GAB4: variants seen among roughly 807,000 people sequenced by gnomAD.
GAB4 encodes GRB2-associated-binding protein 4.
Under a neutral mutation model 51.3 loss-of-function variants are expected in GAB4, and 26 were observed. That is an observed-to-expected ratio of 0.51 (90% CI 0.37 to 0.70). GAB4 has a LOEUF of 0.70. Among genes scored for constraint, GAB4 ranks in the 30% least tolerant of loss-of-function variants. The probability of loss-of-function intolerance (pLI) is 0.00; values close to 1 mark genes in which losing one functional copy is unlikely to be tolerated. For missense variants in GAB4, 759 were observed against 734.6 expected (o/e 1.03, Z -0.38); for synonymous variants, 329 against 291.2 (o/e 1.13, Z -1.32).
At position 16,962,545 on chromosome 22, in the gene GAB4, A is replaced by AG. The variant is rs2060637335; in HGVS notation, c.*187dup. The AG allele has an allele frequency of 2.2e-6, 1 of 445,122 alleles. No homozygotes were observed. Among genetic ancestry groups the AG allele is most frequent in the African/African-American group, 2.0e-5 (1 of 50,134 alleles). 27.6% of individuals were successfully genotyped at this position (445,122 alleles called of 1,614,324 possible). ...TGCTTGCTGGCAACTGCTCCTAGCA[A>AG]GGGGGTGAAGGTGGGGACCATGGCC... is the stretch of plus-strand genomic sequence containing the variant. On this transcript the variant is annotated 3_prime_UTR_variant, in exon 10 of 10. Transcript: ENST00000400588.
intron 1 of GAB4, 140 bp downstream of exon 1, chr22:17,007,801 G>GACA: frequency 1.5e-5 from 11 of 740,548 alleles, no homozygotes; most frequent in South Asian, 1.4e-4. Flanking sequence ...CTGGCGGGGA[G>GACA]TCGCCTTCGC....
chr22:16,999,740 T>C (rs112597966), intron 1 of GAB4, among the ~76,000 whole-genome samples: 3,868 of 152,296 alleles, frequency 0.025, 64 homozygotes, highest in Middle Eastern at 0.068. Context: ...ATTAGGGTGT[T>C]GATTTTAGAT....
At position 16,992,123 on chromosome 22, in the gene GAB4, T is replaced by C. The variant is rs2060919131; in HGVS notation, c.228A>G (p.Pro76=). The change falls in exon 2 of 10, where the codon CCA becomes CCG. Residue 76 remains proline (P), a synonymous_variant. Transcript: ENST00000400588. ...CATTCTTGTAGTATTCCAGAACATC[T>C]GGGTCACTGCTAGTCTGGCCCCTCC... ...ILRRGQTSSD[P]DVLEYYKNDG... 1 of 1,614,204 alleles carries C rather than the reference T, an allele frequency of 6.2e-7. No individual in the cohort carries two copies.
chr22:16,982,804 C>T (rs1569101409), intron 3 of GAB4, among the ~76,000 whole-genome samples: 2 of 152,296 alleles, frequency 1.3e-5, no homozygotes, highest in Non-Finnish European at 2.9e-5. Context: ...GCATGTCTGA[C>T]ATAATGTAAA....
intron 1 of GAB4, among the ~76,000 whole-genome samples, chr22:17,007,390 A>C (rs1226487229): frequency 1.3e-5 from 2 of 152,166 alleles, no homozygotes; most frequent in Non-Finnish European, 2.9e-5. Context: ...AAGGACGCGA[A>C]CGACCCCGGG....
At chr22:16,965,305 T>C (rs559625817) in intron 6 of GAB4, 37 bp from the exon 7 acceptor site, 1 of 1,518,984 alleles carries the variant, frequency 6.6e-7, no homozygotes, top group African/African-American at 1.4e-5. Flanking sequence ...CAGCCAGTGA[T>C]GACACCACAC....
intron 4 of GAB4, chr22:16,969,724 C>T (rs549686289): frequency 5.8e-5 from 39 of 669,714 alleles, no homozygotes; most frequent in East Asian, 3.0e-4. Context: ...TGAGGGCTGC[C>T]CCACTGACAT....
intron 4 of GAB4, among the ~76,000 whole-genome samples, chr22:16,968,782 T>C (rs565888325): frequency 6.2e-4 from 95 of 152,354 alleles, no homozygotes; most frequent in Non-Finnish European, 1.2e-3. Context: ...ATGTTTTATA[T>C]ATACCTCTAT....
chr22:17,001,568 T>G (rs1480219794), intron 1 of GAB4, among the ~76,000 whole-genome samples: 1 of 152,224 alleles, frequency 6.6e-6, no homozygotes, highest in Non-Finnish European at 1.5e-5. Context: ...TTAGCTTCTT[T>G]GCGATGGGTT....
At position 16,987,959 on chromosome 22, in the gene GAB4, C is replaced by G. The variant is rs200250480; in HGVS notation, c.686+1G>C. 1 of 1,594,544 alleles carries G rather than the reference C, an allele frequency of 6.3e-7. No individual in the cohort carries two copies. The highest frequency in any genetic ancestry group is 8.5e-7 in the Non-Finnish European group (1 of 1,171,568). On this transcript the variant is annotated splice_donor_variant, in intron 3 of 9. Coordinates refer to ENST00000400588, the MANE Select transcript of GAB4 (RefSeq NM_001037814.1). LOFTEE classifies it high-confidence loss of function. ...CCCCACTGGCCATAGTAGCCCCCTA[C>G]CTTGCATGTTCTGCTCTCTGGCTGG... is the stretch of plus-strand genomic sequence containing the variant.
At chr22:17,005,358 A>C (rs2061031918) in intron 1 of GAB4, among the ~76,000 whole-genome samples, 1 of 152,250 alleles carries the variant, frequency 6.6e-6, no homozygotes, top group South Asian at 2.1e-4. Flanking sequence ...GAGAGGACAC[A>C]AACAAATGGA....
At chr22:16,986,081 G>T (rs1359756097) in intron 3 of GAB4, among the ~76,000 whole-genome samples, 1 of 152,230 alleles carries the variant, frequency 6.6e-6, no homozygotes, top group African/African-American at 2.4e-5. Flanking sequence ...GACCCTCACT[G>T]CTCATGCAGG....
chr22:16,998,359 C>A (rs556974433), intron 1 of GAB4, among the ~76,000 whole-genome samples: 5 of 152,178 alleles, frequency 3.3e-5, no homozygotes, highest in Admixed American at 2.6e-4. Context: ...GAGGTCCTTC[C>A]TATCCCTTGT....
Position 16,962,733 on chromosome 22 carries a change from T to G in GAB4, c.1725A>C (p.Ter575CysextTer112). 6.2e-7 allele frequency: 1 copy of G among 1,609,310 alleles called. No individual in the cohort carries two copies. The highest frequency in any genetic ancestry group is 1.7e-5 in the Admixed American group (1 of 59,864). ...CCCACTCTGGTTTTGGTGGCCCGAG[T>G]CACAGCTTGGCGCCCCTGGGAGGCT... ...SSEPPRGAKL* is the reference protein window; with the variant it reads ...SSEPPRGAKLC The change falls in exon 10 of 10, where the codon TGA (stop) becomes TGC (cysteine). Residue 575 changes from the stop codon to cysteine, a stop_lost. Transcript: ENST00000400588.
chr22:16,965,090 A>T, intron 7 of GAB4, 88 bp downstream of exon 7: 1 of 993,820 alleles, frequency 1.0e-6, no homozygotes, highest in South Asian at 1.5e-5. Flanking sequence ...ATGAGCATCC[A>T]GTTATCCTGA....
intron 1 of GAB4, among the ~76,000 whole-genome samples, chr22:17,003,562 A>G (rs2123728219): frequency 6.6e-6 from 1 of 152,306 alleles, no homozygotes; most frequent in South Asian, 2.1e-4. Context: ...AAACTGAAAA[A>G]CCTGCTCCTG....
intron 3 of GAB4, among the ~76,000 whole-genome samples, chr22:16,985,606 C>T (rs1343760427): frequency 5.3e-5 from 8 of 152,216 alleles, no homozygotes; most frequent in Non-Finnish European, 8.8e-5. Context: ...TCCTATTCTC[C>T]ATCTCCCCTT....
chr22:16,991,269 A>T (rs758041601), intron 2 of GAB4, among the ~76,000 whole-genome samples: 3 of 151,358 alleles, frequency 2.0e-5, no homozygotes, highest in African/African-American at 4.9e-5. Flanking sequence ...CTGATGTGCA[A>T]CCAGGTTCAA....
intron 2 of GAB4, among the ~76,000 whole-genome samples, chr22:16,988,803 C>T (rs1288157057): frequency 3.9e-5 from 6 of 152,200 alleles, no homozygotes; most frequent in Non-Finnish European, 7.3e-5. Flanking sequence ...TTCCTATACC[C>T]ACGACCAAGG....
Sources: allele counts gnomAD v4.1 joint callset (sites outside exome capture counted in the v4.1 genomes callset), GRCh38; gene constraint gnomAD v4.1.1; transcripts MANE v1.5; gene names NCBI Gene and HGNC (gene_info 2026-07-23, HGNC 2026-07-21).